LRRTM4: variants seen among roughly 807,000 people sequenced by gnomAD.
LRRTM4 encodes the protein leucine rich repeat transmembrane neuronal 4.
In LRRTM4, 25 loss-of-function variants were observed where a neutral mutation model predicts 47.6. The ratio of observed to expected loss-of-function variants is 0.53; its 90% confidence interval spans 0.38 to 0.73. The LOEUF is 0.73. Ranked by LOEUF, LRRTM4 falls within the 30% of genes least tolerant of loss-of-function variation. The pLI is 0.00. For missense variants in LRRTM4, 638 were observed against 713.4 expected (o/e 0.89, Z 1.20); for synonymous variants, 311 against 269.5 (o/e 1.15, Z -1.51).
At chr2:77,329,470 A>G (rs1352949122) in intron 3 of LRRTM4, among the ~76,000 whole-genome samples, 1 of 152,192 alleles carries the variant, frequency 6.6e-6, no homozygotes, top group Non-Finnish European at 1.5e-5. Flanking sequence ...TACATCCTAG[A>G]AGGGATGACT....
intron 3 of LRRTM4, among the ~76,000 whole-genome samples, chr2:77,438,393 ATTTTTTTTTTTTTTT>A (rs70956631): frequency 9.0e-5 from 9 of 100,180 alleles, no homozygotes; most frequent in Non-Finnish European, 1.3e-4. Flanking sequence ...GATCATGATA[ATTTTTTTTTTTTTTT>A]TTTTTTTTTT....
intron 3 of LRRTM4, among the ~76,000 whole-genome samples, chr2:76,787,944 G>C (rs1041731438): frequency 6.6e-6 from 1 of 151,998 alleles, no homozygotes; most frequent in Non-Finnish European, 1.5e-5. Context: ...AACATGAATT[G>C]CTTTATGTCT....
At chr2:76,990,873 C>G (rs958844646) in intron 3 of LRRTM4, among the ~76,000 whole-genome samples, 1 of 151,592 alleles carries the variant, frequency 6.6e-6, no homozygotes, top group Non-Finnish European at 1.5e-5. Flanking sequence ...CTGAAGCATA[C>G]TGTAAGATTG....
intron 3 of LRRTM4, among the ~76,000 whole-genome samples, chr2:77,041,603 G>A (rs1002343249): frequency 2.6e-5 from 4 of 151,160 alleles, no homozygotes; most frequent in Non-Finnish European, 5.9e-5. Context: ...AGCCATTCTA[G>A]CTAGAGTGAG....
At chr2:76,826,315 A>T (rs1671189664) in intron 3 of LRRTM4, among the ~76,000 whole-genome samples, 1 of 151,628 alleles carries the variant, frequency 6.6e-6, no homozygotes, top group African/African-American at 2.4e-5. Flanking sequence ...TAGGGCTAGG[A>T]ATGAGAAACA....
intron 3 of LRRTM4, among the ~76,000 whole-genome samples, chr2:77,124,220 T>A (rs1054183764): frequency 2.0e-5 from 3 of 151,516 alleles, no homozygotes; most frequent in African/African-American, 7.3e-5. Context: ...AACAAAGAGA[T>A]CCAAAAACAT....
chr2:77,087,847 A>G (rs1481743706), intron 3 of LRRTM4, among the ~76,000 whole-genome samples: 2 of 152,214 alleles, frequency 1.3e-5, no homozygotes, highest in African/African-American at 4.8e-5. Context: ...CTAAATAACT[A>G]AAGAGATAAT....
chr2:76,826,544 T>C (rs1330983379), intron 3 of LRRTM4, among the ~76,000 whole-genome samples: 1 of 151,440 alleles, frequency 6.6e-6, no homozygotes, highest in Non-Finnish European at 1.5e-5. Context: ...AAAAAATACA[T>C]ATATATGCAA....
intron 3 of LRRTM4, among the ~76,000 whole-genome samples, chr2:77,465,968 T>C (rs1676967157): frequency 6.6e-6 from 1 of 152,192 alleles, no homozygotes. Context: ...GTTTTTCCTT[T>C]GCACTTCTGT....
intron 3 of LRRTM4, among the ~76,000 whole-genome samples, chr2:77,138,445 C>A (rs1356331224): frequency 6.6e-6 from 1 of 152,088 alleles, no homozygotes; most frequent in Non-Finnish European, 1.5e-5. Context: ...ACACAACATA[C>A]CAGAATCTCT....
intron 3 of LRRTM4, among the ~76,000 whole-genome samples, chr2:77,163,487 T>C (rs777783602): frequency 1.3e-5 from 2 of 152,266 alleles, no homozygotes; most frequent in South Asian, 4.1e-4. Flanking sequence ...TCCACAAAGA[T>C]ACTCCTCGAG....
At chr2:76,841,104 G>A (rs966817660) in intron 3 of LRRTM4, among the ~76,000 whole-genome samples, 6 of 150,528 alleles carry the variant, frequency 4.0e-5, no homozygotes, top group Non-Finnish European at 8.8e-5. Context: ...CATAAAAAAT[G>A]ATGAGTTCAT....
At chr2:77,083,539 T>A (rs1195475861) in intron 3 of LRRTM4, among the ~76,000 whole-genome samples, 1 of 152,168 alleles carries the variant, frequency 6.6e-6, no homozygotes, top group Non-Finnish European at 1.5e-5. Flanking sequence ...CAATGAAAGC[T>A]AGTCCTGAAA....
At chr2:76,988,240 G>T (rs1237650219) in intron 3 of LRRTM4, among the ~76,000 whole-genome samples, 2 of 151,680 alleles carry the variant, frequency 1.3e-5, no homozygotes, top group Admixed American at 1.3e-4. Context: ...ACAGGTAAAG[G>T]CTCAACTCGA....
intron 3 of LRRTM4, among the ~76,000 whole-genome samples, chr2:76,917,345 T>C (rs957775753): frequency 6.6e-6 from 1 of 152,088 alleles, no homozygotes; most frequent in Non-Finnish European, 1.5e-5. Flanking sequence ...AAATACTGGG[T>C]TTCCTAGCAC....
At chr2:77,193,865 C>A (rs368675855) in intron 3 of LRRTM4, among the ~76,000 whole-genome samples, 1 of 152,162 alleles carries the variant, frequency 6.6e-6, no homozygotes, top group East Asian at 1.9e-4. Flanking sequence ...CCGGATCACA[C>A]AGAGAGGCAA....
intron 3 of LRRTM4, among the ~76,000 whole-genome samples, chr2:76,908,844 G>A (rs1673945281): frequency 6.6e-6 from 1 of 151,982 alleles, no homozygotes; most frequent in African/African-American, 2.4e-5. Context: ...AAATAAAAGA[G>A]GATACAAACA....
chr2:76,997,791 T>C (rs2104012565), intron 3 of LRRTM4, among the ~76,000 whole-genome samples: 1 of 152,248 alleles, frequency 6.6e-6, no homozygotes, highest in East Asian at 1.9e-4. Flanking sequence ...TGAAGCTTCA[T>C]CTGTATCTAC....
rs1421347649 is a variant in LRRTM4 at position 76,830,003 on chromosome 2, C to T, written c.1552-81087G>A. On this transcript the variant is annotated intron_variant, in intron 3 of 3. Transcript: ENST00000409884. ...GATGATCAAAGACTAATTGCCCATC[C>T]AATTAACCTTAGACTACCAACAGGG... Among the ~76,000 whole-genome samples the T allele has an allele frequency of 2.0e-5, 3 of 152,084 alleles. No homozygotes were observed. The East Asian group carries it at 5.8e-4, about 29-fold the overall frequency.
Sources: gnomAD v4.1 joint callset for allele counts (sites outside exome capture counted in the v4.1 genomes callset) on GRCh38, gnomAD v4.1.1 for gene constraint, MANE v1.5 for transcripts, NCBI Gene and HGNC (gene_info 2026-07-23, HGNC 2026-07-21) for gene names.